The following DNAH12 variants were observed in gnomAD, a reference collection of about 807,000 sequenced individuals.
DNAH12 encodes the protein axonemal beta dynein heavy chain 12.
DNAH12 carries 285 observed loss-of-function variants against 371.5 expected under a neutral mutation model. The ratio of observed to expected loss-of-function variants is 0.77; its 90% CI spans 0.70 to 0.85. The LOEUF (loss-of-function observed/expected upper bound fraction) is 0.85. Ranked by LOEUF, DNAH12 falls within the 40% of genes least tolerant of loss-of-function variation. DNAH12 has a pLI of 0.00. For synonymous variants in DNAH12, 1,200 were observed against 1,213.0 expected (o/e 0.99, Z 0.22); for missense variants, 3,611 against 3,689.4 (o/e 0.98, Z 0.55).
At chr3:57,393,313 C>T (rs2063663921) in intron 44 of DNAH12, among the ~76,000 whole-genome samples, 1 of 152,036 alleles carries the variant, frequency 6.6e-6, no homozygotes. Context: ...GAAAGTGTGA[C>T]ATTACTTTCA....
At chr3:57,406,041 AT>A in intron 40 of DNAH12, 89 bp from the exon 41 acceptor site, 1 of 1,334,986 alleles carries the variant, frequency 7.5e-7, no homozygotes, top group Non-Finnish European at 1.0e-6. Context: ...AAAATATTTT[AT>A]TTACTCTGTC....
rs1201792907 is a variant in DNAH12 at position 57,385,355 on chromosome 3, C to G, written c.7677G>C (p.Met2559Ile). 1.3e-5 allele frequency: 2 copies of G among 152,212 alleles called. No homozygotes were observed. Among genetic ancestry groups the G allele is most frequent in the Non-Finnish European group, 2.9e-5 (2 of 68,030 alleles). The allele number at this position is 152,212 out of a possible 1,614,324, so 9.4% of individuals were successfully genotyped here. ...AACATTCAGGATACTCTACCTGCAT[C>G]ATATTTGCATTTTCAATTTTAGCTT... ...LEEAKIENAN[M>I]MQVIEIESVQ... The change falls in exon 48 of 74, where the codon ATG (methionine) becomes ATC (isoleucine). Residue 2559 changes from methionine (M) to isoleucine (I), a missense_variant. Coordinates refer to ENST00000495027, the MANE Select transcript of DNAH12 (RefSeq NM_001366028.2).
intron 25 of DNAH12, among the ~76,000 whole-genome samples, chr3:57,447,687 T>G (rs1179961436): frequency 6.6e-6 from 1 of 152,166 alleles, no homozygotes; most frequent in African/African-American, 2.4e-5. Flanking sequence ...TTTTATTTTA[T>G]TTTTTGAGAC....
rs2153353391 is a variant in DNAH12, at chr3:57,406,087, A to C, written c.6277-135T>G. The C allele has an allele frequency of 3.2e-6, 3 of 932,534 alleles. 1 individual carries two copies. Among genetic ancestry groups the C allele is most frequent in the East Asian group, 2.7e-5 (1 of 37,140 alleles). 57.8% of individuals were successfully genotyped at this position (932,534 alleles called of 1,614,324 possible). ...GGGCTTGGGCTGGGCGCGGTGGCTC[A>C]CATCTGTAATCGCAGCACTTTTGGA... On this transcript the variant is annotated intron_variant, in intron 40 of 73. Transcript: ENST00000495027.
Position 57,471,621 on chromosome 3 carries a change from A to G in DNAH12, c.1777-15T>C. The G allele has an allele frequency of 6.6e-7, 1 of 1,519,780 alleles. No homozygotes were observed. 94.1% of individuals were successfully genotyped at this position (1,519,780 alleles called of 1,614,324 possible). A position where few individuals can be genotyped will look rare whatever the true frequency, so the allele number is the denominator to read the frequency against. ...TTCTCAATTAGCTTTTTAAAAGACAATTTGATCATGTTAGTTAATCTGTAA... is the reference window on the plus strand; with the variant it reads ...TTCTCAATTAGCTTTTTAAAAGACAGTTTGATCATGTTAGTTAATCTGTAA... On this transcript the variant is annotated splice_polypyrimidine_tract_variant and intron_variant, in intron 14 of 73. Coordinates refer to ENST00000495027, the MANE Select transcript of DNAH12 (RefSeq NM_001366028.2).
At chr3:57,325,940 A>C (rs534985757) in intron 62 of DNAH12, among the ~76,000 whole-genome samples, 1 of 152,350 alleles carries the variant, frequency 6.6e-6, no homozygotes, top group East Asian at 1.9e-4. Flanking sequence ...TCAGGAGCCG[A>C]TGCGATCAGC....
chr3:57,550,065 C>A, the DNAH12 span, among the ~76,000 whole-genome samples: 2 of 152,038 alleles, frequency 1.3e-5, no homozygotes, highest in African/African-American at 4.8e-5. Context: ...TCCCAACACT[C>A]TGGGAGGCCA....
intron 12 of DNAH12, among the ~76,000 whole-genome samples, chr3:57,488,002 C>T (rs1575673210): frequency 6.6e-6 from 1 of 151,684 alleles, no homozygotes; most frequent in Non-Finnish European, 1.5e-5. Context: ...GATATCTTCT[C>T]GTGTAGTATA....
In DNAH12 at chr3:57,405,064, T is replaced by C. The variant is rs2063983017; in HGVS notation, c.6660A>G (p.Glu2220=). Residue 2220 remains glutamate (E), a synonymous_variant, in exon 42 of 74, where the codon GAA becomes GAG. Coordinates refer to ENST00000495027, the MANE Select transcript of DNAH12 (RefSeq NM_001366028.2). ...CACTAAAATGATGAATATTTGGAATTTCAATATAAACTCTATCATCTCCTT... is the reference window on the plus strand; with the variant it reads ...CACTAAAATGATGAATATTTGGAATCTCAATATAAACTCTATCATCTCCTT... ...DLEGDDRVYI[E]IPNIHHFSDV... 6.5e-7 allele frequency: 1 copy of C among 1,546,770 alleles called. No homozygotes were observed. The highest frequency in any genetic ancestry group is 8.7e-7 in the Non-Finnish European group (1 of 1,145,512).
At chr3:57,299,495 GTTT>G (rs139762284) in intron 70 of DNAH12, among the ~76,000 whole-genome samples, 1 of 150,052 alleles carries the variant, frequency 6.7e-6, no homozygotes, top group Non-Finnish European at 1.5e-5. Context: ...TGTGCAAAAA[GTTT>G]TTTTTTTAAA....
chr3:57,318,662 T>A (rs956593177), intron 65 of DNAH12, among the ~76,000 whole-genome samples: 5 of 151,906 alleles, frequency 3.3e-5, no homozygotes, highest in African/African-American at 1.2e-4. Context: ...TGTATTTTTG[T>A]ATTTGGAATG....
intron 59 of DNAH12, 39 bp from the exon 60 acceptor site, chr3:57,352,264 ACT>A (rs1553660739): frequency 1.3e-5 from 20 of 1,508,522 alleles, no homozygotes; most frequent in Admixed American, 2.6e-5. Flanking sequence ...GTCAAACAAA[ACT>A]AAGAAAATAT....
intron 60 of DNAH12, among the ~76,000 whole-genome samples, chr3:57,345,079 A>C (rs2062506409): frequency 6.6e-6 from 1 of 152,158 alleles, no homozygotes; most frequent in Admixed American, 6.5e-5. Flanking sequence ...TATTCTTACA[A>C]TAAAGTATAC....
chr3:57,525,568 A>G (rs145017299), intron 2 of DNAH12, among the ~76,000 whole-genome samples: 144 of 152,216 alleles, frequency 9.5e-4, no homozygotes, highest in African/African-American at 3.3e-3. Flanking sequence ...TATGGATTAC[A>G]TGAGATATTT....
rs536436079 is a variant in DNAH12 at position 57,479,877 on chromosome 3, A to T, written c.1650+3499T>A. 1.8e-4 allele frequency among the ~76,000 whole-genome samples: 28 copies of T among 152,346 alleles called. No homozygotes were observed. In the South Asian group the frequency reaches 5.4e-3, roughly 29 times the overall value. On this transcript the variant is annotated intron_variant, in intron 13 of 73. Coordinates refer to ENST00000495027, the MANE Select transcript of DNAH12 (RefSeq NM_001366028.2). ...AAGATGTTCTTTGAAACCAACGAGA[A>T]CAAAGACACAACATACCAGAATCTC...
At chr3:57,474,366 G>A (rs1377704242) in intron 13 of DNAH12, among the ~76,000 whole-genome samples, 2 of 151,882 alleles carry the variant, frequency 1.3e-5, no homozygotes, top group East Asian at 1.9e-4. Flanking sequence ...GTGCAATTTC[G>A]GCTCACTGCA....
intron 55 of DNAH12, among the ~76,000 whole-genome samples, chr3:57,369,854 G>A (rs912117516): frequency 3.9e-5 from 6 of 152,018 alleles, no homozygotes; most frequent in Admixed American, 1.3e-4. Flanking sequence ...AAATGTCCTT[G>A]GTAATGCCTA....
chr3:57,448,356 C>T (rs2065602714), intron 25 of DNAH12, among the ~76,000 whole-genome samples: 2 of 151,894 alleles, frequency 1.3e-5, no homozygotes, highest in Admixed American at 6.6e-5. Context: ...TTGTTCATTC[C>T]TCCTGGTGGG....
At chr3:57,491,418 G>C (rs1388431042) in intron 11 of DNAH12, among the ~76,000 whole-genome samples, 5 of 151,992 alleles carry the variant, frequency 3.3e-5, no homozygotes, top group Admixed American at 3.3e-4. Flanking sequence ...TAACACCTAG[G>C]TTATAATTAC....
Sources: gnomAD v4.1 joint callset for allele counts (sites outside exome capture counted in the v4.1 genomes callset) on GRCh38, gnomAD v4.1.1 for gene constraint, MANE v1.5 for transcripts, NCBI Gene and HGNC (gene_info 2026-07-23, HGNC 2026-07-21) for gene names.